The following TCF7L1 variants were observed in gnomAD, a reference collection of about 807,000 sequenced individuals.
TCF7L1 encodes the protein transcription factor 7-like 1.
TCF7L1 carries 18 observed loss-of-function variants against 63.7 expected under a neutral mutation model. That is an observed-to-expected ratio of 0.28 (90% CI 0.20 to 0.42). The LOEUF (loss-of-function observed/expected upper bound fraction) is 0.42, where lower values mean the gene tolerates loss of function less well. Among genes scored for constraint, TCF7L1 ranks in the 10% least tolerant of loss-of-function variants. The probability of loss-of-function intolerance (pLI) is 1.00; values close to 1 mark genes in which losing one functional copy is unlikely to be tolerated. For synonymous variants in TCF7L1, 355 were observed against 340.9 expected (o/e 1.04, Z -0.46); for missense variants, 654 against 779.3 (o/e 0.84, Z 1.91).
At chr2:85,189,841 G>A (rs981303656) in intron 3 of TCF7L1, among the ~76,000 whole-genome samples, 57 of 152,288 alleles carry the variant, frequency 3.7e-4, no homozygotes, top group African/African-American at 1.0e-3. Context: ...ATGAGAATGC[G>A]CCCACTCGGC....
intron 4 of TCF7L1, among the ~76,000 whole-genome samples, chr2:85,301,350 T>A (rs2104386440): frequency 6.6e-6 from 1 of 152,340 alleles, no homozygotes; most frequent in African/African-American, 2.4e-5. Context: ...ATGGGGGTAA[T>A]CACAGCTTCT....
At chr2:85,288,868 A>G (rs1378398575) in intron 4 of TCF7L1, among the ~76,000 whole-genome samples, 1 of 152,186 alleles carries the variant, frequency 6.6e-6, no homozygotes, top group African/African-American at 2.4e-5. Flanking sequence ...AGTGTCCCCC[A>G]GGAGCACTGT....
chr2:85,253,918 C>A (rs1680647466), intron 3 of TCF7L1, among the ~76,000 whole-genome samples: 1 of 152,184 alleles, frequency 6.6e-6, no homozygotes, highest in South Asian at 2.1e-4. Flanking sequence ...TCAGCCAGAC[C>A]CCACTGTCAT....
intron 3 of TCF7L1, among the ~76,000 whole-genome samples, chr2:85,206,662 A>T (rs1404722696): frequency 6.6e-6 from 1 of 152,150 alleles, no homozygotes; most frequent in African/African-American, 2.4e-5. Flanking sequence ...ATCTCATCCA[A>T]CATATTTGAG....
Position 85,309,176 on chromosome 2 carries a change from C to A in TCF7L1, c.1481C>A (p.Ala494Asp), listed in dbSNP as rs1343897993. The change falls in exon 12 of 12, where the codon GCC (alanine) becomes GAC (aspartate). Residue 494 changes from alanine (A) to aspartate (D), a missense_variant. Physicochemically the swap from Ala to Asp is moderately radical, Grantham distance 126 (BLOSUM62 -2). Around this residue, in one of 3 missense-constraint regions of TCF7L1, gnomAD observed 184 missense variants for 204.0 expected, o/e 0.90. Transcript: ENST00000282111. ...TTGGCCTCACCAGCTGCCCCTGCTG[C>A]CACCCATTCGGAGCAAGCCCAGCCC... Reference protein sequence around the residue: ...AALASPAAPAATHSEQAQPLS... With the variant: ...AALASPAAPADTHSEQAQPLS... 4.3e-6 allele frequency: 7 copies of A among 1,614,026 alleles called. No individual in the cohort carries two copies. The highest frequency in any genetic ancestry group is 5.9e-6 in the Non-Finnish European group (7 of 1,180,030).
chr2:85,162,005 AAGAT>A (rs1678297744), intron 3 of TCF7L1, among the ~76,000 whole-genome samples: 1 of 152,100 alleles, frequency 6.6e-6, no homozygotes, highest in Non-Finnish European at 1.5e-5. Context: ...GTCTGCCCTC[AAGAT>A]AGAGGTTTGG....
At chr2:85,184,115 A>G (rs1473684662) in intron 3 of TCF7L1, among the ~76,000 whole-genome samples, 1 of 152,160 alleles carries the variant, frequency 6.6e-6, no homozygotes, top group African/African-American at 2.4e-5. Flanking sequence ...AGGCACCAGA[A>G]CTGTTCACAC....
In TCF7L1 at chr2:85,210,730, A is replaced by G. The variant is rs533265218; in HGVS notation, c.442-72765A>G. Among the ~76,000 whole-genome samples, 7 of 152,256 alleles carry G rather than the reference A, an allele frequency of 4.6e-5. No homozygotes were observed. In the South Asian group the frequency reaches 1.5e-3, roughly 32 times the overall value. ...GCGACTTAGTGTTCTAAATAATAACATGGTCATTTCCGGAGTACTTGCCAT... is the reference window on the plus strand; with the variant it reads ...GCGACTTAGTGTTCTAAATAATAACGTGGTCATTTCCGGAGTACTTGCCAT... On this transcript the variant is annotated intron_variant, in intron 3 of 11. Coordinates refer to ENST00000282111, the MANE Select transcript of TCF7L1 (RefSeq NM_031283.3).
rs775934735 is a variant in TCF7L1, at chr2:85,306,568, A to C, written c.1257+9A>C. ...CAGCCCGGGACAACTATGTAAGTGC[A>C]CACTCTGGGCAGAGGACGCTCAGAC... On this transcript the variant is annotated intron_variant, in intron 10 of 11. Coordinates refer to ENST00000282111, the MANE Select transcript of TCF7L1 (RefSeq NM_031283.3). This position sits in a 1 kb window ranked among gnomAD's most constrained non-coding sequence, Gnocchi z 4.3. 3 of 1,613,716 alleles carry C rather than the reference A, an allele frequency of 1.9e-6. No homozygotes were observed. Among genetic ancestry groups the C allele is most frequent in the Non-Finnish European group, 2.5e-6 (3 of 1,179,610 alleles).
chr2:85,299,860 A>AACACAC (rs61569778), intron 4 of TCF7L1, among the ~76,000 whole-genome samples: 2,140 of 92,738 alleles, frequency 0.023, 154 homozygotes, highest in East Asian at 0.033. Flanking sequence ...CCTTGTCTCA[A>AACACAC]ACACACACAC....
intron 3 of TCF7L1, among the ~76,000 whole-genome samples, chr2:85,203,200 T>G (rs1336522915): frequency 6.6e-6 from 1 of 152,222 alleles, no homozygotes; most frequent in Admixed American, 6.5e-5. Context: ...CAGTCAATTT[T>G]AATAGCATTT....
At chr2:85,257,362 G>A (rs922884481) in intron 3 of TCF7L1, among the ~76,000 whole-genome samples, 2 of 152,150 alleles carry the variant, frequency 1.3e-5, no homozygotes, top group African/African-American at 4.8e-5. Flanking sequence ...ACAGCTGCAG[G>A]GAGGAAGAAC....
At chr2:85,229,994 G>A (rs1354999440) in intron 3 of TCF7L1, among the ~76,000 whole-genome samples, 14 of 152,202 alleles carry the variant, frequency 9.2e-5, no homozygotes, top group Admixed American at 9.2e-4. Context: ...GGGTGGCAAA[G>A]TGAGACCCTG....
At position 85,306,171 on chromosome 2, in the gene TCF7L1, C is replaced by T; in HGVS notation, c.990-35C>T. 1 of 1,613,040 alleles carries T rather than the reference C, an allele frequency of 6.2e-7. No individual in the cohort carries two copies. Among genetic ancestry groups the T allele is most frequent in the Non-Finnish European group, 8.5e-7 (1 of 1,179,312 alleles). On this transcript the variant is annotated intron_variant, in intron 8 of 11. Coordinates refer to ENST00000282111, the MANE Select transcript of TCF7L1 (RefSeq NM_031283.3). The surrounding 1 kb of genome is among the most constrained non-coding windows in gnomAD (Gnocchi z 4.3). ...TGGGGATTGATGAGTTGTGTGACAC[C>T]TGACATGCTAACCTACAACCACGTG...
chr2:85,260,664 T>C (rs1327353677), intron 3 of TCF7L1, among the ~76,000 whole-genome samples: 1 of 146,314 alleles, frequency 6.8e-6, no homozygotes, highest in East Asian at 2.0e-4. Context: ...AACAGACAAA[T>C]AGACCTTGTA....
At chr2:85,303,006 C>T (rs769228629) in intron 5 of TCF7L1, among the ~76,000 whole-genome samples, 25 of 152,228 alleles carry the variant, frequency 1.6e-4, no homozygotes, top group Admixed American at 1.0e-3. Flanking sequence ...GAAGTGCAAC[C>T]GTAAAGCAGT....
At chr2:85,167,123 G>C (rs556193242) in intron 3 of TCF7L1, 1 of 152,136 alleles carries the variant, frequency 6.6e-6, no homozygotes, top group African/African-American at 2.4e-5. Flanking sequence ...CAGTTTCCTT[G>C]GTTAAAGTTT....
intron 3 of TCF7L1, among the ~76,000 whole-genome samples, chr2:85,274,058 G>A (rs570055055): frequency 3.3e-5 from 5 of 152,266 alleles, no homozygotes; most frequent in African/African-American, 4.8e-5. Context: ...GGCACACAGC[G>A]ACAGGGGAGA....
intron 3 of TCF7L1, among the ~76,000 whole-genome samples, chr2:85,193,891 G>A (rs1415663946): frequency 6.6e-6 from 1 of 152,056 alleles, no homozygotes; most frequent in Non-Finnish European, 1.5e-5. Context: ...GTATGTAGGT[G>A]AGTGGTATGT....
Sources: gnomAD v4.1 joint callset for allele counts (sites outside exome capture counted in the v4.1 genomes callset) on GRCh38, gnomAD v4.1.1 for gene constraint, gnomAD v4.1.1 regional missense constraint, Gnocchi (gnomAD v3.1) non-coding constraint, MANE v1.5 for transcripts, NCBI Gene and HGNC (gene_info 2026-07-23, HGNC 2026-07-21) for gene names.